Variants in DKK2 observed in about 807,000 individuals in gnomAD.
DKK2 encodes dickkopf Wnt signaling pathway inhibitor 2.
A neutral mutation model predicts 28.1 loss-of-function variants in DKK2; 11 were observed. The ratio of observed to expected loss-of-function variants is 0.39; its 90% CI spans 0.25 to 0.65. The LOEUF (loss-of-function observed/expected upper bound fraction) is 0.65. Among genes scored for constraint, DKK2 ranks in the 30% least tolerant of loss-of-function variants. DKK2 has a pLI of 0.47. For synonymous variants in DKK2, 135 were observed against 126.5 expected, an observed-to-expected ratio of 1.07 and a Z score of -0.45; for missense variants, 326 against 335.5, an observed-to-expected ratio of 0.97 and a Z score of 0.22.
chr4:106,941,592 T>C (rs983159321), intron 1 of DKK2, among the ~76,000 whole-genome samples: 4 of 152,168 alleles, frequency 2.6e-5, no homozygotes, highest in Non-Finnish European at 2.9e-5. Flanking sequence ...CAGCAGTTTA[T>C]GCAGTGAAGC....
intron 1 of DKK2, among the ~76,000 whole-genome samples, chr4:107,017,977 T>C (rs1355764681): frequency 6.6e-6 from 1 of 152,122 alleles, no homozygotes; most frequent in Non-Finnish European, 1.5e-5. Context: ...CACCAAGGGA[T>C]GTTTCCGCCC....
intron 1 of DKK2, among the ~76,000 whole-genome samples, chr4:106,972,354 T>C (rs922134648): frequency 3.3e-5 from 5 of 151,866 alleles, no homozygotes; most frequent in African/African-American, 1.2e-4. Context: ...TCTTGATTAT[T>C]ACTTGAATCA....
At chr4:106,994,996 TA>T (rs1394274757) in intron 1 of DKK2, among the ~76,000 whole-genome samples, 1 of 152,228 alleles carries the variant, frequency 6.6e-6, no homozygotes. Context: ...ATTATTTTAT[TA>T]AAACCATGGT....
At chr4:106,948,249 A>T (rs567442330) in intron 1 of DKK2, among the ~76,000 whole-genome samples, 12 of 152,264 alleles carry the variant, frequency 7.9e-5, no homozygotes, top group Admixed American at 6.5e-4. Context: ...AATCACCTGG[A>T]GGGCATGTTA....
intron 1 of DKK2, among the ~76,000 whole-genome samples, chr4:106,962,553 G>A (rs1484875604): frequency 8.2e-6 from 1 of 121,506 alleles, no homozygotes; most frequent in Non-Finnish European, 1.7e-5. Flanking sequence ...GTGTGTGTGT[G>A]AATGCAGAAG....
At chr4:106,985,300 A>T (rs145805414) in intron 1 of DKK2, among the ~76,000 whole-genome samples, 1 of 151,874 alleles carries the variant, frequency 6.6e-6, no homozygotes, top group Non-Finnish European at 1.5e-5. Flanking sequence ...GAATGTGACT[A>T]TAAGAAGCAG....
intron 1 of DKK2, among the ~76,000 whole-genome samples, chr4:107,020,775 G>C (rs1010647132): frequency 1.3e-5 from 2 of 152,026 alleles, no homozygotes; most frequent in African/African-American, 4.8e-5. Context: ...TTGTGTGTGT[G>C]TGTGTCTCTG....
intron 1 of DKK2, among the ~76,000 whole-genome samples, chr4:106,982,276 A>T (rs1216612170): frequency 6.6e-6 from 1 of 152,218 alleles, no homozygotes; most frequent in Non-Finnish European, 1.5e-5. Flanking sequence ...ATGTGTAAGA[A>T]GGAAGGAAAG....
chr4:106,924,709 G>A lies in DKK2; in HGVS notation c.374-9C>T, dbSNP rs1489740757. The stretch of plus-strand genomic sequence containing the variant: ...AACTGGGATACAGATGCCTGGAGAT[G>A]ATCATATAATCAGTTAGACTAATTC... On this transcript the variant is annotated splice_polypyrimidine_tract_variant and intron_variant, in intron 2 of 3. Coordinates refer to ENST00000285311, the MANE Select transcript of DKK2 (RefSeq NM_014421.3). 6.2e-7 allele frequency: 1 copy of A among 1,611,734 alleles called. No homozygotes were observed. The highest frequency in any genetic ancestry group is 1.7e-5 in the Admixed American group (1 of 59,698).
At chr4:106,937,403 A>C (rs1409860460) in intron 1 of DKK2, among the ~76,000 whole-genome samples, 1 of 132,962 alleles carries the variant, frequency 7.5e-6, no homozygotes, top group Non-Finnish European at 1.6e-5. Flanking sequence ...GATCAATTCA[A>C]CAAGAAGAGC....
rs193009114 is a variant in DKK2, at chr4:107,012,830, C to A, written c.222+22540G>T. Among the ~76,000 whole-genome samples, 229 of 151,236 alleles carry A rather than the reference C, an allele frequency of 1.5e-3. 1 individual carries two copies. The highest frequency in any genetic ancestry group is 5.2e-3 in the African/African-American group (214 of 41,438). ...GAGGTATCTGCCTCTCCCTTGACTC[C>A]TATCTGCAGGTATCTTACCTGAATG... On this transcript the variant is annotated intron_variant, in intron 1 of 3. Transcript: ENST00000285311.
In DKK2 at chr4:106,990,604, C is replaced by T. The variant is rs879457939; in HGVS notation, c.222+44766G>A. Among the ~76,000 whole-genome samples, 12 of 152,222 alleles carry T rather than the reference C, an allele frequency of 7.9e-5. No homozygotes were observed. The East Asian group carries it at 9.6e-4, about 12-fold the overall frequency. On this transcript the variant is annotated intron_variant, in intron 1 of 3. Transcript: ENST00000285311. ...ATTTCCATAGTCTAAATTCTTTCAC[C>T]GTGGCTAATTATAAGCTGACAATAT... is the stretch of plus-strand genomic sequence containing the variant.
intron 1 of DKK2, among the ~76,000 whole-genome samples, chr4:107,015,415 T>A (rs1245459946): frequency 6.6e-6 from 1 of 151,614 alleles, no homozygotes; most frequent in Non-Finnish European, 1.5e-5. Flanking sequence ...CTCTTGTAAC[T>A]CCTTATTGAT....
chr4:107,022,025 C>T (rs1723699928), intron 1 of DKK2, among the ~76,000 whole-genome samples: 1 of 152,058 alleles, frequency 6.6e-6, no homozygotes, highest in Admixed American at 6.6e-5. Context: ...ATTTGCTTCA[C>T]TTCCAGCAAA....
chr4:106,962,949 A>C (rs557783122), intron 1 of DKK2, among the ~76,000 whole-genome samples: 1 of 152,236 alleles, frequency 6.6e-6, no homozygotes, highest in Non-Finnish European at 1.5e-5. Flanking sequence ...AAAAGAGGCT[A>C]CTCAGGAGGC....
At position 106,924,101 on chromosome 4, in the gene DKK2, C is replaced by T. The variant is rs960947691; in HGVS notation, c.633G>A (p.Gly211=). 3 of 1,613,856 alleles carry T rather than the reference C, an allele frequency of 1.9e-6. No homozygotes were observed. Among genetic ancestry groups the T allele is most frequent in the East Asian group, 4.5e-5 (2 of 44,880 alleles). ...TKICKPVLHQ[G]EVCTKQRKKG... is the part of the protein sequence containing the mutation. Reference sequence around the variant, plus strand: ...TCTTGCGTTGTTTGGTACAGACTTCCCCCTGATGGAGCACTGGTTTGCAGA... The same window carrying T: ...TCTTGCGTTGTTTGGTACAGACTTCTCCCTGATGGAGCACTGGTTTGCAGA... Residue 211 remains glycine (G), a synonymous_variant, in exon 4 of 4, where the codon GGG becomes GGA. Transcript: ENST00000285311.
At chr4:107,034,861 T>C (rs753344603) in intron 1 of DKK2, among the ~76,000 whole-genome samples, 16 of 152,202 alleles carry the variant, frequency 1.1e-4, no homozygotes, top group Non-Finnish European at 2.1e-4. Flanking sequence ...CTGCCACTTA[T>C]ACTAGCTGTG....
chr4:106,994,672 G>A (rs1723247594), intron 1 of DKK2, among the ~76,000 whole-genome samples: 1 of 152,220 alleles, frequency 6.6e-6, no homozygotes, highest in Non-Finnish European at 1.5e-5. Context: ...TAACATAACT[G>A]TGTAAGTAAC....
intron 1 of DKK2, among the ~76,000 whole-genome samples, chr4:107,029,023 C>T (rs918748514): frequency 5.3e-5 from 8 of 151,894 alleles, no homozygotes; most frequent in South Asian, 2.1e-4. Context: ...TATGGGAGGA[C>T]GGGGGGCAAG....
Sources: gnomAD v4.1 joint callset for allele counts (sites outside exome capture counted in the v4.1 genomes callset) on GRCh38, gnomAD v4.1.1 for gene constraint, MANE v1.5 for transcripts, NCBI Gene and HGNC (gene_info 2026-07-23, HGNC 2026-07-21) for gene names.